PAQR5: variants seen among roughly 807,000 people sequenced by gnomAD.
The protein encoded by PAQR5 is membrane progestin receptor gamma.
In PAQR5, 20 loss-of-function variants were observed where a neutral mutation model predicts 34.5. The observed-to-expected ratio is 0.58, with a 90% CI of 0.41 to 0.84. The LOEUF is 0.84. Among genes scored for constraint, PAQR5 ranks in the 40% least tolerant of loss-of-function variants. PAQR5 has a pLI of 0.00. For missense variants in PAQR5, 378 were observed against 412.7 expected, an observed-to-expected ratio of 0.92 and a Z score of 0.73; for synonymous variants, 131 against 155.6, an observed-to-expected ratio of 0.84 and a Z score of 1.18.
intron 1 of PAQR5, among the ~76,000 whole-genome samples, chr15:69,326,634 G>T (rs2054257624): frequency 6.6e-6 from 1 of 152,060 alleles, no homozygotes; most frequent in Admixed American, 6.6e-5. Flanking sequence ...ACGGGGTTTT[G>T]CCATGTTGGC....
At chr15:69,390,723 G>T (rs1424889746) in intron 6 of PAQR5, among the ~76,000 whole-genome samples, 1 of 152,126 alleles carries the variant, frequency 6.6e-6, no homozygotes, top group Non-Finnish European at 1.5e-5. Flanking sequence ...ATGGTGACTG[G>T]GTGTGTCTGC....
intron 2 of PAQR5, among the ~76,000 whole-genome samples, chr15:69,343,772 GAT>G (rs1315731366): frequency 1.3e-5 from 2 of 152,180 alleles, no homozygotes; most frequent in Admixed American, 1.3e-4. Context: ...CCAGCTGATA[GAT>G]AGTGTCTGAA....
intron 8 of PAQR5, 115 bp downstream of exon 8, chr15:69,400,230 C>A: frequency 9.7e-7 from 1 of 1,027,210 alleles, no homozygotes; most frequent in Non-Finnish European, 1.4e-6. Flanking sequence ...AGAGAGAGGC[C>A]AAGGCGAGTA....
Position 69,341,490 on chromosome 15 carries a change from G to C in PAQR5, c.-116+3989G>C, listed in dbSNP as rs371216071. Among the ~76,000 whole-genome samples the C allele has an allele frequency of 6.3e-4, 96 of 151,610 alleles. No homozygotes were observed. In the South Asian group the frequency reaches 6.9e-3, roughly 11 times the overall value. On this transcript the variant is annotated intron_variant, in intron 2 of 8. Coordinates refer to ENST00000395407, the MANE Select transcript of PAQR5 (RefSeq NM_017705.4). ...CCCCACCTCAGCCTCCAGAGTAGCT[G>C]AGATTACAGGCATGAACCATCACAT...
intron 4 of PAQR5, chr15:69,382,714 GTATA>G (rs1567032647): frequency 2.8e-4 from 33 of 118,040 alleles, no homozygotes; most frequent in African/African-American, 1.1e-3. Flanking sequence ...ATGTATGTAT[GTATA>G]TATGTATGTA....
chr15:69,310,799 G>A (rs534927882), intron 1 of PAQR5, among the ~76,000 whole-genome samples: 51 of 152,046 alleles, frequency 3.4e-4, no homozygotes, highest in African/African-American at 1.1e-3. Flanking sequence ...AGCACTTTGG[G>A]AGGCCAAGGC....
intron 3 of PAQR5, among the ~76,000 whole-genome samples, chr15:69,377,373 G>T (rs1179759949): frequency 6.6e-6 from 1 of 152,196 alleles, no homozygotes; most frequent in Non-Finnish European, 1.5e-5. Flanking sequence ...CAGCCTTAGT[G>T]GGGTGGAAAT....
chr15:69,363,493 C>T (rs554515262), intron 3 of PAQR5, among the ~76,000 whole-genome samples: 1 of 150,468 alleles, frequency 6.6e-6, no homozygotes, highest in Admixed American at 6.6e-5. Context: ...TGGCGTGACA[C>T]TTTGCCAGGA....
intron 1 of PAQR5, among the ~76,000 whole-genome samples, chr15:69,319,170 TATATATATATATATATATATATA>T (rs1297028754): frequency 0.014 from 1,828 of 135,128 alleles, 82 homozygotes; most frequent in African/African-American, 0.041. Context: ...TATATATATA[TATATATATATATATATATATATA>T]TATATATATA....
At chr15:69,361,567 G>A (rs1341580885) in intron 3 of PAQR5, among the ~76,000 whole-genome samples, 1 of 152,128 alleles carries the variant, frequency 6.6e-6, no homozygotes, top group Non-Finnish European at 1.5e-5. Context: ...GGAGGCCTCA[G>A]GTAACTTACA....
At chr15:69,339,069 T>C (rs1447839271) in intron 2 of PAQR5, among the ~76,000 whole-genome samples, 3 of 151,862 alleles carry the variant, frequency 2.0e-5, no homozygotes, top group South Asian at 2.1e-4. Flanking sequence ...TCTCCTCTGA[T>C]CTTGTGGGCC....
intron 1 of PAQR5, among the ~76,000 whole-genome samples, chr15:69,329,721 G>A (rs916730162): frequency 1.3e-5 from 2 of 152,002 alleles, no homozygotes; most frequent in Non-Finnish European, 2.9e-5. Context: ...CTGAGCTCAG[G>A]CAATCTGCCT....
At chr15:69,378,458 A>AAGAG (rs1555421347) in intron 3 of PAQR5, among the ~76,000 whole-genome samples, 20 of 143,834 alleles carry the variant, frequency 1.4e-4, no homozygotes, top group African/African-American at 5.3e-4. Context: ...AAAAAAAAAA[A>AAGAG]AGAGAGAGAG....
intron 1 of PAQR5, among the ~76,000 whole-genome samples, chr15:69,310,911 C>T (rs913210590): frequency 1.5e-4 from 22 of 151,322 alleles, no homozygotes; most frequent in Non-Finnish European, 2.5e-4. Context: ...TGGTGGCGGG[C>T]GCCTGTAGTC....
intron 3 of PAQR5, chr15:69,379,382 C>T: frequency 2.1e-6 from 2 of 975,036 alleles, no homozygotes; most frequent in South Asian, 4.7e-5. Context: ...GCATCAGCAT[C>T]GTGGTCCTCA....
intron 4 of PAQR5, among the ~76,000 whole-genome samples, chr15:69,381,926 G>C (rs2055894570): frequency 6.6e-6 from 1 of 152,204 alleles, no homozygotes; most frequent in South Asian, 2.1e-4. Context: ...AAGGGAGCCA[G>C]CTCTCTAGGA....
chr15:69,378,436 CAAAAAAAAAAAAA>C (rs1235264927), intron 3 of PAQR5, among the ~76,000 whole-genome samples: 1 of 52,528 alleles, frequency 1.9e-5, no homozygotes, highest in Admixed American at 3.1e-4. Context: ...GACCCTGTCT[CAAAAAAAAAAAAA>C]AAAAAAAAAA....
rs1392025189 is a variant in PAQR5 at position 69,379,978 on chromosome 15, T to G, written c.147T>G (p.Thr49=). ...GCCTTTTCCAAATGACCAATGAGAC[T>G]CTCAACATTTGGACTCACTTGCTGC... ...ILSLFQMTNE[T]LNIWTHLLPF... The change falls in exon 4 of 9, where the codon ACT becomes ACG. Residue 49 remains threonine, a synonymous_variant. Transcript: ENST00000395407. The G allele has an allele frequency of 1.9e-6, 3 of 1,614,200 alleles. No individual in the cohort carries two copies. The highest frequency in any genetic ancestry group is 2.5e-6 in the Non-Finnish European group (3 of 1,180,034).
chr15:69,314,711 C>T (rs8034067), intron 1 of PAQR5: 62,114 of 152,088 alleles, frequency 0.41, 12,983 homozygotes, highest in African/African-American at 0.51. Flanking sequence ...CCTCCTCCAC[C>T]GGGCCTGGTG....
Sources: allele counts gnomAD v4.1 joint callset (sites outside exome capture counted in the v4.1 genomes callset), GRCh38; gene constraint gnomAD v4.1.1; transcripts MANE v1.5; gene names NCBI Gene and HGNC (gene_info 2026-07-23, HGNC 2026-07-21).